Variants in EFL1 observed in about 807,000 individuals in gnomAD.
EFL1 encodes elongation factor-like GTPase 1.
A neutral mutation model predicts 126.7 loss-of-function variants in EFL1; 76 were observed. The ratio of observed to expected loss-of-function variants is 0.60; its 90% CI spans 0.50 to 0.73. The LOEUF (loss-of-function observed/expected upper bound fraction) is 0.73. EFL1 is among the 30% of genes least tolerant of loss of function. The probability of loss-of-function intolerance (pLI) is 0.00; values close to 1 mark genes in which losing one functional copy is unlikely to be tolerated. For synonymous variants in EFL1, 410 were observed against 448.4 expected, an observed-to-expected ratio of 0.91 and a Z score of 1.08; for missense variants, 1,128 against 1,343.2, an observed-to-expected ratio of 0.84 and a Z score of 2.50.
At position 82,161,630 on chromosome 15, in the gene EFL1, T is replaced by A. The variant is rs972774015; in HGVS notation, c.1882+2223A>T. Among the ~76,000 whole-genome samples the A allele has an allele frequency of 2.6e-5, 4 of 152,236 alleles. No homozygotes were observed. The South Asian group carries it at 8.3e-4, about 32-fold the overall frequency. Reference sequence around the variant, plus strand: ...AATAGCAATACTCCTTTTAAAATTATGAAGAAAATTATGTGCCCCTTCTAA... The same window carrying A: ...AATAGCAATACTCCTTTTAAAATTAAGAAGAAAATTATGTGCCCCTTCTAA... On this transcript the variant is annotated intron_variant, in intron 16 of 19. Coordinates refer to ENST00000268206, the MANE Select transcript of EFL1 (RefSeq NM_024580.6).
At chr15:82,167,023 C>A (rs995376864) in intron 15 of EFL1, among the ~76,000 whole-genome samples, 1 of 152,124 alleles carries the variant, frequency 6.6e-6, no homozygotes, top group African/African-American at 2.4e-5. Flanking sequence ...GAATAAAATT[C>A]AAAATTAGCG....
chr15:82,225,506 T>A (rs967110051), intron 11 of EFL1, among the ~76,000 whole-genome samples: 1 of 152,082 alleles, frequency 6.6e-6, no homozygotes, highest in Non-Finnish European at 1.5e-5. Context: ...GCAAGCAAAT[T>A]TGACAGGGTG....
At position 82,257,362 on chromosome 15, in the gene EFL1, C is replaced by T. The variant is rs1453168293; in HGVS notation, c.159+1726G>A. On this transcript the variant is annotated intron_variant, in intron 3 of 19. Transcript: ENST00000268206. ...CTTGATCATCTTGCTGGTGTTTTGTCAGTTGTGTTACTCTTCTTTAAAGTC... is the reference window on the plus strand; with the variant it reads ...CTTGATCATCTTGCTGGTGTTTTGTTAGTTGTGTTACTCTTCTTTAAAGTC... Among the ~76,000 whole-genome samples, 3 of 152,160 alleles carry T rather than the reference C, an allele frequency of 2.0e-5. No homozygotes were observed. The East Asian group carries it at 5.8e-4, about 29-fold the overall frequency.
intron 15 of EFL1, among the ~76,000 whole-genome samples, chr15:82,206,811 G>A (rs868354330): frequency 1.3e-5 from 2 of 151,964 alleles, no homozygotes; most frequent in African/African-American, 4.8e-5. Flanking sequence ...AAATTTTAGG[G>A]ACCAGAAAAT....
intron 16 of EFL1, among the ~76,000 whole-genome samples, chr15:82,159,477 T>G (rs886317809): frequency 1.5e-4 from 23 of 152,166 alleles, no homozygotes; most frequent in African/African-American, 5.1e-4. Context: ...GAAAAGTTTT[T>G]TTTTTTTTTT....
intron 18 of EFL1, among the ~76,000 whole-genome samples, chr15:82,148,895 T>C (rs946543653): frequency 2.6e-5 from 4 of 152,244 alleles, no homozygotes; most frequent in African/African-American, 9.6e-5. Context: ...CTATAGACAT[T>C]TGTACATGTT....
intron 4 of EFL1, among the ~76,000 whole-genome samples, chr15:82,243,855 C>G (rs1191663622): frequency 6.6e-6 from 1 of 152,060 alleles, no homozygotes; most frequent in Non-Finnish European, 1.5e-5. Context: ...TAGAGATACA[C>G]CAAGTGTTTC....
intron 18 of EFL1, among the ~76,000 whole-genome samples, chr15:82,151,201 G>A (rs775401170): frequency 2.6e-5 from 4 of 152,108 alleles, no homozygotes; most frequent in Admixed American, 6.6e-5. Context: ...CCTGGGCAAC[G>A]TTGCGAAACT....
At position 82,238,331 on chromosome 15, in the gene EFL1, C is replaced by T; in HGVS notation, c.707G>A (p.Ser236Asn). The T allele has an allele frequency of 6.2e-7, 1 of 1,614,184 alleles. No individual in the cohort carries two copies. The highest frequency in any genetic ancestry group is 8.5e-7 in the Non-Finnish European group (1 of 1,180,024). ...CCCAAAGCCCCACCCATCTATTGCA[C>T]TGGTAAACACCACATTTCCCTGTTC... ...SPEQGNVVFT[S>N]AIDGWGFGIE... The change falls in exon 7 of 20, where the codon AGT becomes AAT. Residue 236 changes from serine (S) to asparagine (N), a missense_variant. Physicochemically the swap from Ser to Asn is conservative, Grantham distance 46 (BLOSUM62 1). Coordinates refer to ENST00000268206, the MANE Select transcript of EFL1 (RefSeq NM_024580.6).
chr15:82,214,182 A>C (rs900660082), intron 15 of EFL1, among the ~76,000 whole-genome samples: 1 of 152,168 alleles, frequency 6.6e-6, no homozygotes, highest in African/African-American at 2.4e-5. Context: ...GCACTAGAAA[A>C]CTCAAAAAGT....
intron 17 of EFL1, among the ~76,000 whole-genome samples, chr15:82,155,136 T>G (rs147042060): frequency 6.6e-6 from 1 of 152,226 alleles, no homozygotes; most frequent in Admixed American, 6.5e-5. Flanking sequence ...ATTGTATGAA[T>G]ACGCCATTAT....
intron 6 of EFL1, among the ~76,000 whole-genome samples, chr15:82,239,176 G>C (rs1596003260): frequency 6.6e-6 from 1 of 152,002 alleles, no homozygotes; most frequent in Non-Finnish European, 1.5e-5. Context: ...TCGCTCTGTT[G>C]CCCAGGCTGG....
At chr15:82,254,817 A>G (rs942672165) in intron 3 of EFL1, among the ~76,000 whole-genome samples, 1 of 152,194 alleles carries the variant, frequency 6.6e-6, no homozygotes, top group Non-Finnish European at 1.5e-5. Context: ...ATTCTGGAGA[A>G]AGGAGGAGGA....
At chr15:82,261,357 T>C (rs2075115130) in intron 2 of EFL1, among the ~76,000 whole-genome samples, 1 of 152,212 alleles carries the variant, frequency 6.6e-6, no homozygotes, top group Non-Finnish European at 1.5e-5. Flanking sequence ...ATGAATTAAA[T>C]AGGATCACAT....
At chr15:82,139,922 G>A (rs1202592416) in intron 18 of EFL1, among the ~76,000 whole-genome samples, 2 of 152,016 alleles carry the variant, frequency 1.3e-5, no homozygotes, top group Non-Finnish European at 2.9e-5. Flanking sequence ...AGAAACTGAC[G>A]ACACAAAGCC....
rs543935219 is a variant in EFL1, at chr15:82,215,893, A to G, written c.1612-1038T>C. Among the ~76,000 whole-genome samples, 191 of 152,304 alleles carry G rather than the reference A, an allele frequency of 1.3e-3. 1 individual carries two copies. The highest frequency in any genetic ancestry group is 4.3e-3 in the African/African-American group (179 of 41,570). On this transcript the variant is annotated intron_variant, in intron 14 of 19. Transcript: ENST00000268206. ...GTGTTCTGCTAAAATGACAACTCTC[A>G]AAGTAGCTCTAAAGATGGGCTGGAG...
chr15:82,135,716 G>A (rs867437458), intron 19 of EFL1, among the ~76,000 whole-genome samples: 2 of 152,286 alleles, frequency 1.3e-5, no homozygotes, highest in East Asian at 3.9e-4. Flanking sequence ...TGTTAGATGT[G>A]GTCAGATGAC....
At chr15:82,241,600 A>C (rs1362224156) in intron 4 of EFL1, among the ~76,000 whole-genome samples, 197 bp from the exon 5 acceptor site, 1 of 152,232 alleles carries the variant, frequency 6.6e-6, no homozygotes, top group East Asian at 1.9e-4. Context: ...CATCTATATA[A>C]AATGTTAAAG....
intron 19 of EFL1, among the ~76,000 whole-genome samples, chr15:82,135,859 T>C (rs896094904): frequency 5.3e-5 from 8 of 152,062 alleles, no homozygotes; most frequent in Non-Finnish European, 1.2e-4. Context: ...ATGCGGGAGG[T>C]AGAACGGCCA....
Sources: allele counts gnomAD v4.1 joint callset (sites outside exome capture counted in the v4.1 genomes callset), GRCh38; gene constraint gnomAD v4.1.1; transcripts MANE v1.5; gene names NCBI Gene and HGNC (gene_info 2026-07-23, HGNC 2026-07-21).